TXLNB: variants seen among roughly 807,000 people sequenced by gnomAD.
TXLNB encodes beta-taxilin.
In TXLNB, 37 loss-of-function variants were observed where a neutral mutation model predicts 57.4. The observed-to-expected ratio is 0.64, with a 90% CI of 0.50 to 0.85. The LOEUF (loss-of-function observed/expected upper bound fraction) is 0.85. Ranked by LOEUF, TXLNB falls within the 40% of genes least tolerant of loss-of-function variation. The pLI is 0.00. For missense variants in TXLNB, 848 were observed against 825.6 expected (o/e 1.03, Z -0.33); for synonymous variants, 302 against 309.6 (o/e 0.98, Z 0.26).
At chr6:139,217,583 C>T in the TXLNB span, among the ~76,000 whole-genome samples, 2 of 152,110 alleles carry the variant, frequency 1.3e-5, no homozygotes, top group Non-Finnish European at 2.9e-5. Context: ...GAAATTTTAG[C>T]TTAGGCTGGG....
the TXLNB span, among the ~76,000 whole-genome samples, chr6:139,195,040 A>G: frequency 6.6e-6 from 1 of 152,224 alleles, no homozygotes; most frequent in Non-Finnish European, 1.5e-5. Flanking sequence ...CTGTGCTAAA[A>G]TCACAGCGTT....
At chr6:139,171,896 A>G in the TXLNB span, among the ~76,000 whole-genome samples, 38 of 150,452 alleles carry the variant, frequency 2.5e-4, no homozygotes, top group East Asian at 6.7e-3. Context: ...CAATGGTGCT[A>G]TCTCGGCTCA....
chr6:139,310,233 G>A, the TXLNB span, among the ~76,000 whole-genome samples: 2 of 152,226 alleles, frequency 1.3e-5, no homozygotes, highest in Non-Finnish European at 2.9e-5. Context: ...CATGTCTGAT[G>A]AGGGCTTAAT....
intron 4 of TXLNB, 48 bp downstream of exon 4, chr6:139,270,408 C>T (rs1776728225): frequency 7.0e-6 from 11 of 1,563,388 alleles, no homozygotes; most frequent in Non-Finnish European, 9.6e-6. Context: ...AGGCCTGTCT[C>T]TGTGCCCCAT....
chr6:139,310,605 A>G, the TXLNB span, among the ~76,000 whole-genome samples: 9 of 152,370 alleles, frequency 5.9e-5, 1 homozygote, highest in African/African-American at 2.2e-4. Context: ...AATGAAGAAG[A>G]GTTTAAATTA....
chr6:139,200,383 C>T, the TXLNB span, among the ~76,000 whole-genome samples: 1 of 152,076 alleles, frequency 6.6e-6, no homozygotes, highest in East Asian at 1.9e-4. Flanking sequence ...GATAAGAGTA[C>T]CCATAGGGTG....
the TXLNB span, chr6:139,179,282 G>A: frequency 2.6e-5 from 4 of 152,150 alleles, no homozygotes; most frequent in African/African-American, 9.7e-5. Context: ...TATTTATGAT[G>A]CTGATCTTTA....
the TXLNB span, among the ~76,000 whole-genome samples, chr6:139,233,753 T>C: frequency 5.4e-4 from 82 of 152,340 alleles, no homozygotes; most frequent in African/African-American, 1.9e-3. Context: ...TATTTCTTTA[T>C]AGCAGTGTGA....
At chr6:139,287,825 C>T (rs576201444) in intron 2 of TXLNB, among the ~76,000 whole-genome samples, 2 of 152,274 alleles carry the variant, frequency 1.3e-5, no homozygotes, top group East Asian at 1.9e-4. Context: ...AAAAAATTTT[C>T]CTTTTCCCGT....
chr6:139,297,981 G>T, the TXLNB span, among the ~76,000 whole-genome samples: 1 of 152,108 alleles, frequency 6.6e-6, no homozygotes, highest in East Asian at 1.9e-4. Context: ...GGAAATGTGG[G>T]CTTGTAATCA....
chr6:139,206,339 A>G, the TXLNB span, among the ~76,000 whole-genome samples: 1 of 152,206 alleles, frequency 6.6e-6, no homozygotes, highest in East Asian at 1.9e-4. Context: ...CAATACTAAC[A>G]TTGAATGTAA....
the TXLNB span, among the ~76,000 whole-genome samples, chr6:139,314,404 C>T: frequency 3.3e-5 from 5 of 152,244 alleles, no homozygotes; most frequent in Non-Finnish European, 7.3e-5. Flanking sequence ...TTAACCCTTT[C>T]AACCAACTGC....
At position 139,276,904 on chromosome 6, in the gene TXLNB, G is replaced by C. The variant is rs750656107; in HGVS notation, c.442C>G (p.Leu148Val). ...LKGLGKEANL[L>V]MQNLNKLQTP... ...TGCAACTTGTTCAGATTTTGCATTA[G>C]CAGGTTGGCTTCTTTGCCTTAAAAA... The change falls in exon 3 of 10, where the codon CTA (leucine) becomes GTA (valine). Residue 148 changes from leucine (L) to valine (V), a missense_variant. Physicochemically the swap from Leu to Val is conservative, Grantham distance 32 (BLOSUM62 1). Coordinates refer to ENST00000358430, the MANE Select transcript of TXLNB (RefSeq NM_153235.4). 5.0e-6 allele frequency: 8 copies of C among 1,584,568 alleles called. No individual in the cohort carries two copies. In the African/African-American group the frequency reaches 1.0e-4, roughly 20 times the overall value.
At chr6:139,309,359 G>A in the TXLNB span, among the ~76,000 whole-genome samples, 31 of 152,092 alleles carry the variant, frequency 2.0e-4, no homozygotes, top group African/African-American at 7.2e-4. Flanking sequence ...AGTTTCTCTT[G>A]TTTGCAATAA....
At chr6:139,238,116 A>T (rs1775856219), downstream of TXLNB, among the ~76,000 whole-genome samples, 1 of 152,202 alleles carries the variant, frequency 6.6e-6, no homozygotes, top group Admixed American at 6.5e-5. Flanking sequence ...GTGTAAGCCC[A>T]GGCATGGTGG....
At chr6:139,278,841 T>TAA (rs376564051) in intron 2 of TXLNB, among the ~76,000 whole-genome samples, 4 of 152,046 alleles carry the variant, frequency 2.6e-5, no homozygotes, top group Non-Finnish European at 5.9e-5. Flanking sequence ...CCATCTCTAC[T>TAA]AAAATACAAA....
chr6:139,318,070 C>G, the TXLNB span, among the ~76,000 whole-genome samples: 1 of 151,642 alleles, frequency 6.6e-6, no homozygotes, highest in Non-Finnish European at 1.5e-5. Context: ...GAGATCGAGA[C>G]CATCCTGGCT....
chr6:139,252,546 T>C (rs1243027084), intron 7 of TXLNB, among the ~76,000 whole-genome samples: 2 of 152,220 alleles, frequency 1.3e-5, no homozygotes, highest in Non-Finnish European at 2.9e-5. Flanking sequence ...CTGCCTGCAC[T>C]GTGGAACACT....
At chr6:139,291,604 C>T (rs2114651958) in intron 1 of TXLNB, among the ~76,000 whole-genome samples, 1 of 152,256 alleles carries the variant, frequency 6.6e-6, no homozygotes, top group African/African-American at 2.4e-5. Flanking sequence ...GGGAAAAAAA[C>T]AAAGTCAGAG....
Sources: gnomAD v4.1 joint callset for allele counts (sites outside exome capture counted in the v4.1 genomes callset) on GRCh38, gnomAD v4.1.1 for gene constraint, MANE v1.5 for transcripts, NCBI Gene and HGNC (gene_info 2026-07-23, HGNC 2026-07-21) for gene names.